NECTIN3: variants seen among roughly 807,000 people sequenced by gnomAD.
NECTIN3 encodes the protein nectin-3.
In NECTIN3, 8 loss-of-function variants were observed where a neutral mutation model predicts 49.4. The observed-to-expected ratio is 0.16, with a 90% CI of 0.10 to 0.29. The LOEUF (loss-of-function observed/expected upper bound fraction) is 0.29, where lower values mean the gene tolerates loss of function less well. Ranked by LOEUF, NECTIN3 falls within the 10% of genes least tolerant of loss-of-function variation. The pLI is 1.00. For synonymous variants in NECTIN3, 277 were observed against 241.1 expected, an observed-to-expected ratio of 1.15 and a Z score of -1.38; for missense variants, 581 against 654.6, an observed-to-expected ratio of 0.89 and a Z score of 1.23.
In NECTIN3 at chr3:111,169,280, C is replaced by T. The variant is rs184102341; in HGVS notation, c.1221+21796C>T. 2.0e-3 allele frequency among the ~76,000 whole-genome samples: 305 copies of T among 150,344 alleles called. 1 individual carries two copies. The highest frequency in any genetic ancestry group is 0.012 in the Admixed American group (184 of 15,092). On this transcript the variant is annotated intron_variant, in intron 7 of 8. Coordinates refer to the NECTIN3 transcript ENST00000493615. The stretch of plus-strand genomic sequence containing the variant: ...AATTTTTTGTAATTTTTATTAGAGA[C>T]GGGGTTTCACCATGTTAGCCAGGAT...
At chr3:111,078,681 G>A (rs537774067) in intron 1 of NECTIN3, among the ~76,000 whole-genome samples, 3 of 152,192 alleles carry the variant, frequency 2.0e-5, no homozygotes, top group East Asian at 3.9e-4. Flanking sequence ...GATTAGAAAA[G>A]GTTGGTAGAC....
chr3:111,126,033 G>C, intron 4 of NECTIN3, 151 bp from the exon 5 acceptor site: 1 of 535,102 alleles, frequency 1.9e-6, no homozygotes, highest in Non-Finnish European at 3.0e-6. Context: ...ATGAAAATTT[G>C]TTACTTTTTT....
chr3:111,102,321 T>C (rs1000149126), intron 1 of NECTIN3, among the ~76,000 whole-genome samples: 1 of 152,204 alleles, frequency 6.6e-6, no homozygotes, highest in African/African-American at 2.4e-5. Context: ...CTCACCCCAC[T>C]TAGTACCTCA....
chr3:111,073,448 T>G (rs1009523536), intron 1 of NECTIN3: 1 of 152,260 alleles, frequency 6.6e-6, no homozygotes, highest in African/African-American at 2.4e-5. Flanking sequence ...ACCACCACGT[T>G]TCCAGCACTG....
chr3:111,130,781 A>G (rs2034357685), intron 5 of NECTIN3, among the ~76,000 whole-genome samples: 1 of 152,128 alleles, frequency 6.6e-6, no homozygotes. Context: ...TATAATAGTA[A>G]TACTCTCAAG....
chr3:111,113,510 AT>A (rs1000875738), intron 2 of NECTIN3, among the ~76,000 whole-genome samples: 10 of 152,022 alleles, frequency 6.6e-5, no homozygotes, highest in African/African-American at 1.7e-4. Flanking sequence ...TTTATTATAT[AT>A]TTTTTCATGT....
Position 111,123,110 on chromosome 3 carries a change from G to A in NECTIN3, c.917+872G>A, listed in dbSNP as rs951870446. ...TTTTAAGAGCGTCTTCTCATAAGAC[G>A]GAGCATCTTCTCATTGAATATTCAT... On this transcript the variant is annotated intron_variant, in intron 4 of 5. Coordinates refer to ENST00000485303, the MANE Select transcript of NECTIN3 (RefSeq NM_015480.3). Among the ~76,000 whole-genome samples the A allele has an allele frequency of 4.6e-5, 7 of 151,530 alleles. No individual in the cohort carries two copies. The East Asian group carries it at 5.8e-4, about 13-fold the overall frequency.
intron 1 of NECTIN3, among the ~76,000 whole-genome samples, chr3:111,089,933 T>C (rs2032161309): frequency 6.6e-6 from 1 of 152,174 alleles, no homozygotes. Flanking sequence ...TATTAGGTTA[T>C]GAGGTGCAAT....
intron 7 of NECTIN3, among the ~76,000 whole-genome samples, chr3:111,181,430 G>A (rs1259980525): frequency 1.3e-5 from 2 of 151,876 alleles, no homozygotes; most frequent in Non-Finnish European, 2.9e-5. Flanking sequence ...TCCTTTTTTT[G>A]TAATGTATTT....
chr3:111,081,020 C>T (rs962155833), intron 1 of NECTIN3, among the ~76,000 whole-genome samples: 3 of 152,062 alleles, frequency 2.0e-5, no homozygotes, highest in South Asian at 2.1e-4. Context: ...CAGTGGCTCA[C>T]GTCTGTAATC....
At chr3:111,148,745 G>T (rs533084149) in intron 7 of NECTIN3, among the ~76,000 whole-genome samples, 1 of 151,910 alleles carries the variant, frequency 6.6e-6, no homozygotes, top group South Asian at 2.1e-4. Flanking sequence ...GTTTCTTTTT[G>T]AACTTTGCTT....
intron 7 of NECTIN3, among the ~76,000 whole-genome samples, chr3:111,169,587 AGTT>A (rs1228293041): frequency 6.6e-6 from 1 of 152,094 alleles, no homozygotes; most frequent in African/African-American, 2.4e-5. Flanking sequence ...CACATTTTAA[AGTT>A]GTTGATGATT....
chr3:111,099,127 A>G (rs1214101625), intron 1 of NECTIN3, among the ~76,000 whole-genome samples: 1 of 152,098 alleles, frequency 6.6e-6, no homozygotes, highest in Non-Finnish European at 1.5e-5. Flanking sequence ...CACCTCACCT[A>G]ACATCCATCA....
intron 7 of NECTIN3, among the ~76,000 whole-genome samples, chr3:111,151,746 G>A (rs540595421): frequency 6.6e-6 from 1 of 151,882 alleles, no homozygotes; most frequent in African/African-American, 2.4e-5. Flanking sequence ...GCATTCTTTA[G>A]TAAATGTTTG....
chr3:111,116,780 A>G (rs2033705164), intron 2 of NECTIN3, among the ~76,000 whole-genome samples: 1 of 152,102 alleles, frequency 6.6e-6, no homozygotes, highest in South Asian at 2.1e-4. Context: ...GATATTAAAA[A>G]TAAAATCTCA....
intron 7 of NECTIN3, among the ~76,000 whole-genome samples, chr3:111,150,517 A>G (rs1359039701): frequency 6.6e-6 from 1 of 151,950 alleles, no homozygotes; most frequent in Non-Finnish European, 1.5e-5. Flanking sequence ...GAAATGTAAT[A>G]TATGCATAAA....
At chr3:111,176,305 C>A (rs1208490859) in intron 7 of NECTIN3, among the ~76,000 whole-genome samples, 5 of 152,198 alleles carry the variant, frequency 3.3e-5, no homozygotes, top group African/African-American at 1.2e-4. Flanking sequence ...TGGAAGGATT[C>A]TCCAGCTTTT....
At chr3:111,116,051 C>G (rs568592292) in intron 2 of NECTIN3, among the ~76,000 whole-genome samples, 1 of 152,162 alleles carries the variant, frequency 6.6e-6, no homozygotes, top group East Asian at 1.9e-4. Context: ...GCTGAAGCAT[C>G]AAGCCTTGTA....
At position 111,168,487 on chromosome 3, in the gene NECTIN3, C is replaced by CAT. The variant is rs1015442015; in HGVS notation, c.1221+21013_1221+21014dup. Among the ~76,000 whole-genome samples the CAT allele has an allele frequency of 8.6e-5, 13 of 152,008 alleles. No homozygotes were observed. The South Asian group carries it at 1.2e-3, about 15-fold the overall frequency. The stretch of plus-strand genomic sequence containing the variant: ...GCATATATATATATCTGTATACACA[C>CAT]ATATATATATAAATGTTTTTCTATC... On this transcript the variant is annotated intron_variant, in intron 7 of 8. Coordinates refer to the NECTIN3 transcript ENST00000493615.
Sources: allele counts gnomAD v4.1 joint callset (sites outside exome capture counted in the v4.1 genomes callset), GRCh38; gene constraint gnomAD v4.1.1; transcripts MANE v1.5; gene names NCBI Gene and HGNC (gene_info 2026-07-23, HGNC 2026-07-21).